The following CNTN5 variants were observed in gnomAD, a reference collection of about 807,000 sequenced individuals.
CNTN5 encodes contactin 5, also known as contactin-5.
CNTN5 carries 77 observed loss-of-function variants against 129.1 expected under a neutral mutation model. That is an observed-to-expected ratio of 0.60 (90% CI 0.50 to 0.72). CNTN5 has a LOEUF of 0.72. Ranked by LOEUF, CNTN5 falls within the 30% of genes least tolerant of loss-of-function variation. The pLI, the probability that CNTN5 is intolerant of heterozygous loss-of-function variation, is 0.00. For synonymous variants in CNTN5, 509 were observed against 465.6 expected, an observed-to-expected ratio of 1.09 and a Z score of -1.20; for missense variants, 1,478 against 1,328.8, an observed-to-expected ratio of 1.11 and a Z score of -1.75.
chr11:99,228,224 TC>T (rs1331583230), intron 1 of CNTN5, among the ~76,000 whole-genome samples: 1 of 152,124 alleles, frequency 6.6e-6, no homozygotes, highest in African/African-American at 2.4e-5. Context: ...TAATATAAGT[TC>T]CTAATGTGAA....
chr11:99,115,682 C>G (rs1010765070), intron 1 of CNTN5, among the ~76,000 whole-genome samples: 2 of 152,144 alleles, frequency 1.3e-5, no homozygotes, highest in Non-Finnish European at 2.9e-5. Flanking sequence ...ATCACTTGAA[C>G]CTGGAAGGCG....
At chr11:100,322,857 A>C (rs1376985847) in intron 21 of CNTN5, among the ~76,000 whole-genome samples, 1 of 152,156 alleles carries the variant, frequency 6.6e-6, no homozygotes, top group Non-Finnish European at 1.5e-5. Flanking sequence ...TTTTAAAAAT[A>C]TCTGATATAT....
At chr11:99,359,912 C>T (rs767715401) in intron 2 of CNTN5, among the ~76,000 whole-genome samples, 8 of 152,072 alleles carry the variant, frequency 5.3e-5, no homozygotes, top group Non-Finnish European at 1.0e-4. Flanking sequence ...GCAGAATGAA[C>T]AACTTGGATT....
intron 9 of CNTN5, among the ~76,000 whole-genome samples, chr11:100,047,964 T>C (rs1365226363): frequency 6.6e-6 from 1 of 152,092 alleles, no homozygotes; most frequent in Non-Finnish European, 1.5e-5. Context: ...ACTCTGTCTC[T>C]ACTAAAAATA....
chr11:100,010,226 C>G (rs568901196), intron 9 of CNTN5, among the ~76,000 whole-genome samples: 23 of 151,984 alleles, frequency 1.5e-4, no homozygotes, highest in Non-Finnish European at 2.9e-4. Context: ...TTAAGTCCAG[C>G]CCATACAAGT....
intron 3 of CNTN5, among the ~76,000 whole-genome samples, chr11:99,637,664 C>T (rs1000374315): frequency 4.0e-5 from 6 of 151,884 alleles, no homozygotes; most frequent in African/African-American, 1.4e-4. Flanking sequence ...TGAGTATATT[C>T]ACATAATGTC....
At chr11:99,447,101 A>C (rs1331856255) in intron 2 of CNTN5, among the ~76,000 whole-genome samples, 1 of 152,218 alleles carries the variant, frequency 6.6e-6, no homozygotes, top group African/African-American at 2.4e-5. Flanking sequence ...AGACATCAGC[A>C]TTATCACTTA....
At chr11:99,290,158 T>C (rs1223191030) in intron 1 of CNTN5, among the ~76,000 whole-genome samples, 1 of 151,814 alleles carries the variant, frequency 6.6e-6, no homozygotes. Flanking sequence ...TGAATGCTTA[T>C]TGAGCGCTTG....
intron 1 of CNTN5, among the ~76,000 whole-genome samples, chr11:99,107,583 G>A (rs777080751): frequency 2.0e-5 from 3 of 151,856 alleles, no homozygotes; most frequent in Non-Finnish European, 2.9e-5. Context: ...ATTAATATTT[G>A]CAATGAGCTT....
intron 4 of CNTN5, among the ~76,000 whole-genome samples, chr11:99,821,001 T>A (rs1330065122): frequency 6.6e-6 from 1 of 152,238 alleles, no homozygotes; most frequent in Admixed American, 6.5e-5. Context: ...CTAAGTTGTA[T>A]GTAAGCATGA....
intron 4 of CNTN5, among the ~76,000 whole-genome samples, chr11:99,841,111 A>G (rs12421493): frequency 0.11 from 16,331 of 152,110 alleles, 1,523 homozygotes; most frequent in East Asian, 0.42. Context: ...TCTTTTTCAC[A>G]TTTCTATTTA....
At chr11:99,046,476 G>A (rs1350531315) in intron 1 of CNTN5, among the ~76,000 whole-genome samples, 1 of 152,050 alleles carries the variant, frequency 6.6e-6, no homozygotes, top group Non-Finnish European at 1.5e-5. Flanking sequence ...TCCTTTTCTT[G>A]AAAAATATAT....
At chr11:99,703,182 CTGAG>C (rs34628574) in intron 3 of CNTN5, among the ~76,000 whole-genome samples, 41,551 of 145,970 alleles carry the variant, frequency 0.28, 6,160 homozygotes, top group Middle Eastern at 0.41. Context: ...TTTTAATTTC[CTGAG>C]TGTTTTTTAT....
At chr11:99,149,310 G>A (rs1859935024) in intron 1 of CNTN5, among the ~76,000 whole-genome samples, 1 of 151,960 alleles carries the variant, frequency 6.6e-6, no homozygotes, top group Non-Finnish European at 1.5e-5. Context: ...AAAAAAGAAG[G>A]AAAGAAGGCA....
intron 3 of CNTN5, among the ~76,000 whole-genome samples, chr11:99,677,959 C>G (rs954892159): frequency 1.3e-5 from 2 of 152,024 alleles, no homozygotes; most frequent in East Asian, 3.9e-4. Flanking sequence ...TTGGTACTCT[C>G]GAAAAAATCA....
chr11:100,248,141 G>T (rs996201798), intron 16 of CNTN5, among the ~76,000 whole-genome samples: 1 of 152,136 alleles, frequency 6.6e-6, no homozygotes, highest in Non-Finnish European at 1.5e-5. Context: ...TGGATAACGA[G>T]CATATTTGGG....
intron 3 of CNTN5, among the ~76,000 whole-genome samples, chr11:99,575,081 T>G (rs1949300769): frequency 6.6e-6 from 1 of 152,186 alleles, no homozygotes; most frequent in African/African-American, 2.4e-5. Context: ...TTGAATCTTC[T>G]TACATATTCT....
chr11:99,274,643 T>A (rs1378984025), intron 1 of CNTN5, among the ~76,000 whole-genome samples: 1 of 151,432 alleles, frequency 6.6e-6, no homozygotes, highest in Non-Finnish European at 1.5e-5. Context: ...TAAAAACTAC[T>A]ATATATATAT....
At chr11:99,966,097 T>C (rs1951086466) in intron 8 of CNTN5, among the ~76,000 whole-genome samples, 1 of 152,174 alleles carries the variant, frequency 6.6e-6, no homozygotes, top group Admixed American at 6.6e-5. Context: ...AAAAATTATC[T>C]TTAATCTGCT....
Sources: allele counts gnomAD v4.1 joint callset (sites outside exome capture counted in the v4.1 genomes callset), GRCh38; gene constraint gnomAD v4.1.1; transcripts MANE v1.5; gene names NCBI Gene and HGNC (gene_info 2026-07-23, HGNC 2026-07-21).